Variants in DCDC2B observed in about 807,000 individuals in gnomAD.
DCDC2B encodes doublecortin domain-containing protein 2B.
DCDC2B carries 41 observed loss-of-function variants against 38.9 expected under a neutral mutation model. The ratio of observed to expected loss-of-function variants is 1.05; its 90% CI spans 0.82 to 1.37. The LOEUF (loss-of-function observed/expected upper bound fraction) is 1.37, where lower values mean the gene tolerates loss of function less well. Ranked by LOEUF, DCDC2B falls within the 40% of genes most tolerant of loss-of-function variation. The probability of loss-of-function intolerance (pLI) is 0.00; values close to 1 mark genes in which losing one functional copy is unlikely to be tolerated. For synonymous variants in DCDC2B, 181 were observed against 171.9 expected, an observed-to-expected ratio of 1.05 and a Z score of -0.41; for missense variants, 453 against 427.2, an observed-to-expected ratio of 1.06 and a Z score of -0.53.
At position 32,209,849 on chromosome 1, in the gene DCDC2B, T is replaced by TCCTA. The variant is rs1643507451; in HGVS notation, c.266+492_266+495dup. On this transcript the variant is annotated intron_variant, in intron 1 of 8. Transcript: ENST00000409358. ...CTCTGACTCATGTCTGGCTTCCAGG[T>TCCTA]CCTACTCTTAGCTCTCAGCTGAGGT... is the stretch of plus-strand genomic sequence containing the variant. 2.0e-5 allele frequency among the ~76,000 whole-genome samples: 3 copies of TCCTA among 152,260 alleles called. No homozygotes were observed. The South Asian group carries it at 6.2e-4, about 32-fold the overall frequency.
chr1:32,211,157 C>G, intron 1 of DCDC2B, 115 bp from the exon 2 acceptor site: 1 of 954,274 alleles, frequency 1.0e-6, no homozygotes. Context: ...ATGATTGCCA[C>G]TATTCCATGG....
chr1:32,215,361 G>T, intron 7 of DCDC2B, 79 bp from the exon 8 acceptor site: 1 of 1,218,580 alleles, frequency 8.2e-7, no homozygotes, highest in Non-Finnish European at 1.2e-6. Context: ...GAGGGAAAGG[G>T]GCTAGCATGA....
chr1:32,211,764 C>A lies in DCDC2B; in HGVS notation c.322C>A (p.Pro108Thr). The change falls in exon 3 of 9, where the codon CCT becomes ACT. Residue 108 changes from proline to threonine, a missense_variant. Transcript: ENST00000409358. ...PGGKSCRLQG[P>T]PVTRHLCDGA... ...GGAGGCCTGACATGGGTTTCAGGGT[C>A]CTCCCGTGACTCGCCACTTGTGTGA... The A allele has an allele frequency of 6.2e-7, 1 of 1,606,430 alleles. No homozygotes were observed. Among genetic ancestry groups the A allele is most frequent in the Non-Finnish European group, 8.5e-7 (1 of 1,176,654 alleles).
intron 6 of DCDC2B, 100 bp from the exon 7 acceptor site, chr1:32,214,697 G>A: frequency 6.6e-7 from 1 of 1,526,412 alleles, no homozygotes; most frequent in Non-Finnish European, 8.9e-7. Context: ...CCTCTGCCAT[G>A]TTCCTGCAGG....
At chr1:32,215,719 T>C in intron 8 of DCDC2B, 83 bp from the exon 9 acceptor site, 1 of 1,236,294 alleles carries the variant, frequency 8.1e-7, no homozygotes, top group Non-Finnish European at 1.1e-6. Context: ...TCTTCCTTCC[T>C]TGGGGTTGGG....
chr1:32,212,043 T>C, intron 3 of DCDC2B, 27 bp from the exon 4 acceptor site: 2 of 1,603,266 alleles, frequency 1.2e-6, no homozygotes, highest in Non-Finnish European at 8.5e-7. Flanking sequence ...CTGGGGACAC[T>C]CCCCCTTACC....
At chr1:32,213,336 A>T (rs979549212) in intron 6 of DCDC2B, among the ~76,000 whole-genome samples, 4 of 138,442 alleles carry the variant, frequency 2.9e-5, no homozygotes, top group African/African-American at 1.1e-4. Flanking sequence ...CCTCTTAATA[A>T]TTTTTTTTTT....
intron 8 of DCDC2B, 61 bp from the exon 9 acceptor site, chr1:32,215,741 T>A: frequency 7.3e-7 from 1 of 1,368,886 alleles, no homozygotes; most frequent in South Asian, 1.3e-5. Flanking sequence ...ACCTCCTGGC[T>A]GAGAGCTGGA....
At chr1:32,214,542 T>C (rs1320390639) in intron 6 of DCDC2B, 9 of 494,400 alleles carry the variant, frequency 1.8e-5, no homozygotes, top group Non-Finnish European at 2.9e-5. Flanking sequence ...GCATGGGGCA[T>C]GGTGGTGGGG....
rs762336976 is a variant in DCDC2B, at chr1:32,212,655, G to T, written c.674+19G>T. The T allele has an allele frequency of 6.2e-7, 1 of 1,613,506 alleles. No individual in the cohort carries two copies. Among genetic ancestry groups the T allele is most frequent in the Non-Finnish European group, 8.5e-7 (1 of 1,179,514 alleles). On this transcript the variant is annotated intron_variant, in intron 5 of 8. Coordinates refer to ENST00000409358, the MANE Select transcript of DCDC2B (RefSeq NM_001099434.2). Reference sequence around the variant, plus strand: ...GCTGCTGGTATGTATGTGGGAGGTGGAGCGGTAACAGGCCGGGCAGAGGAA... The same window carrying T: ...GCTGCTGGTATGTATGTGGGAGGTGTAGCGGTAACAGGCCGGGCAGAGGAA...
At chr1:32,214,664 C>T in intron 6 of DCDC2B, 133 bp from the exon 7 acceptor site, 1 of 1,339,868 alleles carries the variant, frequency 7.5e-7, no homozygotes, top group Non-Finnish European at 1.0e-6. Flanking sequence ...GGAGGACGTA[C>T]TTTGTGAAGA....
In DCDC2B at chr1:32,209,223, ACAT is replaced by A. The variant is rs1213332078; in HGVS notation, c.133_135del (p.Ser45del). ...CATGGAGGCCTTCCTCTGCGAGGTG[ACAT>A]CAGCTGTGCAGGCCCCACTGGCTGT... On this transcript the variant is annotated inframe_deletion, in exon 1 of 9. Transcript: ENST00000409358. The A allele has an allele frequency of 6.2e-7, 1 of 1,613,884 alleles. No homozygotes were observed. The highest frequency in any genetic ancestry group is 8.5e-7 in the Non-Finnish European group (1 of 1,179,898).
At chr1:32,211,082 A>G (rs1438749785) in intron 1 of DCDC2B, among the ~76,000 whole-genome samples, 190 bp from the exon 2 acceptor site, 1 of 152,218 alleles carries the variant, frequency 6.6e-6, no homozygotes, top group Non-Finnish European at 1.5e-5. Flanking sequence ...TTACCCAGAC[A>G]GCACTTGAGC....
rs776479688 is a variant in DCDC2B at position 32,214,803 on chromosome 1, G to C, written c.721G>C (p.Gly241Arg). Residue 241 changes from glycine (G) to arginine (R), a missense_variant, in exon 7 of 9, where the codon GGC becomes CGC. Coordinates refer to ENST00000409358, the MANE Select transcript of DCDC2B (RefSeq NM_001099434.2). ...KSRPHRQGAQ[G>R]HRAQVTQPSP... Reference sequence around the variant, plus strand: ...CCCAGTGTCCCTTCTCTAGGCCCAAGGCCACAGGGCCCAGGTAACCCAGCC... The same window carrying C: ...CCCAGTGTCCCTTCTCTAGGCCCAACGCCACAGGGCCCAGGTAACCCAGCC... 6.2e-7 allele frequency: 1 copy of C among 1,613,940 alleles called. No individual in the cohort carries two copies. The highest frequency in any genetic ancestry group is 8.5e-7 in the Non-Finnish European group (1 of 1,179,878).
chr1:32,215,733 C>T (rs1569782910), intron 8 of DCDC2B, 69 bp from the exon 9 acceptor site: 2 of 1,331,206 alleles, frequency 1.5e-6, no homozygotes, highest in African/African-American at 1.5e-5. Context: ...GGTTGGGGAC[C>T]TCCTGGCTGA....
chr1:32,215,724 G>T, intron 8 of DCDC2B, 78 bp from the exon 9 acceptor site: 2 of 1,265,090 alleles, frequency 1.6e-6, no homozygotes, highest in Non-Finnish European at 2.2e-6. Context: ...CTTCCTTGGG[G>T]TTGGGGACCT....
rs1158313338 is a variant in DCDC2B, at chr1:32,215,494, T to C, written c.905T>C (p.Leu302Pro). The C allele has an allele frequency of 6.2e-7, 1 of 1,613,696 alleles. No homozygotes were observed. Among genetic ancestry groups the C allele is most frequent in the Non-Finnish European group, 8.5e-7 (1 of 1,179,824 alleles). ...PHRRKETAGA[L>P]EVADDEDTQT... ...CGAAGGAAGGAGACAGCGGGGGCCC[T>C]GGAAGTAGCAGATGATGAAGACACT... The change falls in exon 8 of 9, where the codon CTG (leucine) becomes CCG (proline). Residue 302 changes from leucine to proline, a missense_variant. By Grantham distance (98) the Leu-to-Pro change is moderately conservative. Coordinates refer to ENST00000409358, the MANE Select transcript of DCDC2B (RefSeq NM_001099434.2).
Position 32,214,938 on chromosome 1 carries a change from G to A in DCDC2B, c.850+6G>A, listed in dbSNP as rs183035492. 97 of 1,613,894 alleles carry A rather than the reference G, an allele frequency of 6.0e-5. No individual in the cohort carries two copies. In the East Asian group the frequency reaches 2.0e-3, roughly 34 times the overall value. On this transcript the variant is annotated splice_donor_region_variant and intron_variant, in intron 7 of 8. Transcript: ENST00000409358. ...CACACTCTCATTCCCATCAGGTGAG[G>A]GGTCCCTGGGGCTCAGGCCCTTCTC...
chr1:32,212,331 G>C, intron 4 of DCDC2B, 130 bp downstream of exon 4: 1 of 1,531,278 alleles, frequency 6.5e-7, no homozygotes, highest in Admixed American at 1.9e-5. Context: ...CTATGCCACT[G>C]GGAGAGGGCC....
Sources: allele counts gnomAD v4.1 joint callset (sites outside exome capture counted in the v4.1 genomes callset), GRCh38; gene constraint gnomAD v4.1.1; transcripts MANE v1.5; gene names NCBI Gene and HGNC (gene_info 2026-07-23, HGNC 2026-07-21).